Variants in TNS3 observed in about 807,000 individuals in gnomAD.
TNS3 encodes the protein tensin-3.
In TNS3, 45 loss-of-function variants were observed where a neutral mutation model predicts 140.9. The observed-to-expected ratio is 0.32, with a 90% CI of 0.25 to 0.41. The LOEUF (loss-of-function observed/expected upper bound fraction) is 0.41. Among genes scored for constraint, TNS3 ranks in the 10% least tolerant of loss-of-function variants. The pLI, the probability that TNS3 is intolerant of heterozygous loss-of-function variation, is 1.00. For synonymous variants in TNS3, 815 were observed against 788.4 expected (o/e 1.03, Z -0.56); for missense variants, 1,716 against 1,906.7 (o/e 0.90, Z 1.86).
intron 27 of TNS3, among the ~76,000 whole-genome samples, chr7:47,285,876 C>T (rs191146283): frequency 2.0e-5 from 3 of 152,202 alleles, no homozygotes; most frequent in Admixed American, 6.5e-5. Flanking sequence ...AACCAGCAAG[C>T]GGTAACCAGG....
chr7:47,290,185 AAAAT>A (rs1413140927), intron 27 of TNS3, among the ~76,000 whole-genome samples: 2 of 152,248 alleles, frequency 1.3e-5, no homozygotes, highest in Non-Finnish European at 2.9e-5. Context: ...TGCAGGCAAA[AAAAT>A]AAAAAATGAA....
chr7:47,526,649 T>C (rs1489071874), intron 2 of TNS3, among the ~76,000 whole-genome samples: 1 of 152,216 alleles, frequency 6.6e-6, no homozygotes, highest in Non-Finnish European at 1.5e-5. Context: ...AGTCAGTTCA[T>C]GGGGAACCTT....
At position 47,303,189 on chromosome 7, in the gene TNS3, A is replaced by G; in HGVS notation, c.3218T>C (p.Val1073Ala). 1 of 1,613,462 alleles carries G rather than the reference A, an allele frequency of 6.2e-7. No individual in the cohort carries two copies. Among genetic ancestry groups the G allele is most frequent in the Non-Finnish European group, 8.5e-7 (1 of 1,180,000 alleles). ...NGFLSHNFLT[V>A]APGHSSHHSP... ...GTGGTGGCTGCTGTGTCCAGGCGCC[A>G]CCGTGAGAAAGTTGTGGGACAGGAA... The change falls in exon 22 of 31, where the codon GTG (valine) becomes GCG (alanine). Residue 1073 changes from valine to alanine, a missense_variant. This residue lies in a region of TNS3 where 1,163 missense variants were observed against 1,182.1 expected (regional missense o/e 0.98). Transcript: ENST00000311160.
intron 2 of TNS3, among the ~76,000 whole-genome samples, chr7:47,507,391 T>A (rs1047326613): frequency 6.6e-6 from 1 of 152,138 alleles, no homozygotes; most frequent in African/African-American, 2.4e-5. Context: ...AGATGCCCCT[T>A]AAGAATCAGA....
chr7:47,391,232 T>G (rs886809804), intron 16 of TNS3, among the ~76,000 whole-genome samples: 3 of 152,176 alleles, frequency 2.0e-5, no homozygotes, highest in African/African-American at 7.2e-5. Context: ...GCAAAGTGGT[T>G]GTTTCTCTTC....
intron 1 of TNS3, among the ~76,000 whole-genome samples, chr7:47,573,695 C>G (rs192102530): frequency 1.3e-5 from 2 of 152,202 alleles, no homozygotes; most frequent in Non-Finnish European, 2.9e-5. Context: ...CCCACCACCC[C>G]GTCTCTGGGC....
chr7:47,304,358 TATTTTAAGGAG>T (rs1361255793), intron 21 of TNS3, among the ~76,000 whole-genome samples: 1 of 152,246 alleles, frequency 6.6e-6, no homozygotes, highest in Non-Finnish European at 1.5e-5. Flanking sequence ...GCTCCTCTTT[TATTTTAAGGAG>T]AACAGAGGTA....
chr7:47,352,274 G>T (rs1249977702), intron 17 of TNS3, among the ~76,000 whole-genome samples: 6 of 152,166 alleles, frequency 3.9e-5, no homozygotes, highest in Non-Finnish European at 8.8e-5. Flanking sequence ...CTCTCACAGT[G>T]TTTTTCATGA....
chr7:47,467,754 A>G (rs1796782386), intron 4 of TNS3, among the ~76,000 whole-genome samples: 1 of 152,160 alleles, frequency 6.6e-6, no homozygotes, highest in African/African-American at 2.4e-5. Flanking sequence ...CAACCCCCAT[A>G]TTTGAAGATA....
chr7:47,322,213 CA>C (rs759875153), intron 20 of TNS3, among the ~76,000 whole-genome samples: 2,959 of 49,908 alleles, frequency 0.059, 16 homozygotes, highest in African/African-American at 0.092. Flanking sequence ...GTAGAACGGG[CA>C]AAAAAAAAAA....
chr7:47,346,343 T>C lies in TNS3; in HGVS notation c.2295A>G (p.Glu765=), dbSNP rs1789341908. ...RATGRQGSSA[E]QPLGGRLRKL... Reference sequence around the variant, plus strand: ...TCCTGAGTCTCCCGCCCAGGGGCTGTTCAGCAGAGGAGCCTGTTAAAAGGG... The same window carrying C: ...TCCTGAGTCTCCCGCCCAGGGGCTGCTCAGCAGAGGAGCCTGTTAAAAGGG... Residue 765 remains glutamate (E), a synonymous_variant, in exon 18 of 31, where the codon GAA becomes GAG. Transcript: ENST00000311160. 1 of 1,613,992 alleles carries C rather than the reference T, an allele frequency of 6.2e-7. No individual in the cohort carries two copies. The highest frequency in any genetic ancestry group is 1.3e-5 in the African/African-American group (1 of 74,924).
intron 20 of TNS3, among the ~76,000 whole-genome samples, chr7:47,312,968 CG>C (rs1562582735): frequency 6.6e-6 from 1 of 152,146 alleles, no homozygotes; most frequent in East Asian, 1.9e-4. Context: ...AGCCGGAGAA[CG>C]GAAGAGAGAA....
At chr7:47,527,105 C>T (rs991878286) in intron 2 of TNS3, among the ~76,000 whole-genome samples, 1 of 151,170 alleles carries the variant, frequency 6.6e-6, no homozygotes, top group Admixed American at 6.6e-5. Context: ...GGCATGGTGG[C>T]GGGCGCCTGT....
chr7:47,313,396 G>A (rs529067592), intron 20 of TNS3, among the ~76,000 whole-genome samples: 1 of 152,336 alleles, frequency 6.6e-6, no homozygotes, highest in South Asian at 2.1e-4. Context: ...CTGCTCAGGG[G>A]TCTGGTTCAG....
In TNS3 at chr7:47,389,109, CAGAAGAAGAAGA is replaced by C. The variant is rs140799405; in HGVS notation, c.1024+7679_1024+7690del. ...GAGGAAGAGGAAGAGGAAGCGGAAG[CAGAAGAAGAAGA>C]AGAAGAAGAAGAAGAAGAAGAAGAA... On this transcript the variant is annotated intron_variant, in intron 16 of 30. Transcript: ENST00000311160. 3.7e-4 allele frequency among the ~76,000 whole-genome samples: 22 copies of C among 59,124 alleles called. 7 individuals are homozygous for C. Among genetic ancestry groups the C allele is most frequent in the Middle Eastern group, 9.3e-3 (1 of 108 alleles). 38.8% of individuals were successfully genotyped at this position (59,124 alleles called of 152,430 possible).
intron 16 of TNS3, among the ~76,000 whole-genome samples, chr7:47,377,618 T>G (rs1405324249): frequency 6.6e-6 from 1 of 151,570 alleles, no homozygotes; most frequent in African/African-American, 2.4e-5. Context: ...CGTTGTGAGA[T>G]CAAGACAAAA....
At chr7:47,516,428 T>G (rs899699268) in intron 2 of TNS3, among the ~76,000 whole-genome samples, 3 of 151,822 alleles carry the variant, frequency 2.0e-5, no homozygotes, top group African/African-American at 7.3e-5. Context: ...CCATCTAAAC[T>G]TGCAGTGACT....
At chr7:47,498,759 C>T (rs1213156422) in intron 3 of TNS3, among the ~76,000 whole-genome samples, 2 of 152,190 alleles carry the variant, frequency 1.3e-5, no homozygotes, top group African/African-American at 2.4e-5. Flanking sequence ...AACATGGTCC[C>T]GTCAGCCCGG....
intron 4 of TNS3, chr7:47,452,951 G>T (rs1177827432): frequency 1.0e-6 from 1 of 985,296 alleles, no homozygotes; most frequent in Non-Finnish European, 1.2e-6. Flanking sequence ...GCCTGGGCAG[G>T]GACCACCGGC....
Sources: allele counts gnomAD v4.1 joint callset (sites outside exome capture counted in the v4.1 genomes callset), GRCh38; gene constraint gnomAD v4.1.1; regional missense constraint gnomAD v4.1.1; transcripts MANE v1.5; gene names NCBI Gene and HGNC (gene_info 2026-07-23, HGNC 2026-07-21).